The following SLC35F3 variants were observed in gnomAD, a reference collection of about 807,000 sequenced individuals.
The protein encoded by SLC35F3 is solute carrier family 35 member F3, also known as putative thiamine transporter SLC35F3.
A neutral mutation model predicts 49.9 loss-of-function variants in SLC35F3; 25 were observed. The ratio of observed to expected loss-of-function variants is 0.50; its 90% confidence interval spans 0.37 to 0.70. The LOEUF (loss-of-function observed/expected upper bound fraction) is 0.70, where lower values mean the gene tolerates loss of function less well. Among genes scored for constraint, SLC35F3 ranks in the 30% least tolerant of loss-of-function variants. The pLI, the probability that SLC35F3 is intolerant of heterozygous loss-of-function variation, is 0.00. For synonymous variants in SLC35F3, 275 were observed against 265.4 expected, an observed-to-expected ratio of 1.04 and a Z score of -0.35; for missense variants, 525 against 639.8, an observed-to-expected ratio of 0.82 and a Z score of 1.94.
intron 2 of SLC35F3, among the ~76,000 whole-genome samples, chr1:234,055,559 GCTTC>G (rs911121010): frequency 6.6e-6 from 1 of 152,220 alleles, no homozygotes; most frequent in Non-Finnish European, 1.5e-5. Context: ...GTCTGTCACG[GCTTC>G]CCTTGGCTAG....
rs973144437 is a variant in SLC35F3 at position 234,005,039 on chromosome 1, G to T, written c.283+99281G>T. ...AAGAATTTTTTATTCTTGATTAAAA[G>T]AATAAAATAGAAAAGCTGAAAATCT... On this transcript the variant is annotated intron_variant, in intron 2 of 7. Transcript: ENST00000366618. Among the ~76,000 whole-genome samples the T allele has an allele frequency of 3.9e-5, 6 of 152,112 alleles. No homozygotes were observed. In the East Asian group the frequency reaches 5.8e-4, roughly 15 times the overall value.
intron 3 of SLC35F3, among the ~76,000 whole-genome samples, chr1:234,260,978 C>G (rs997505474): frequency 3.9e-5 from 6 of 152,192 alleles, no homozygotes; most frequent in African/African-American, 1.2e-4. Flanking sequence ...TTCTGCTTCA[C>G]ATGAAGCCAA....
chr1:234,005,306 G>C (rs534629582), intron 2 of SLC35F3, among the ~76,000 whole-genome samples: 1 of 152,148 alleles, frequency 6.6e-6, no homozygotes, highest in African/African-American at 2.4e-5. Flanking sequence ...TAAATCTTAC[G>C]GTGAAACCAT....
chr1:234,197,584 G>C (rs1666832706), intron 2 of SLC35F3, among the ~76,000 whole-genome samples: 1 of 147,452 alleles, frequency 6.8e-6, no homozygotes, highest in Non-Finnish European at 1.5e-5. Flanking sequence ...ATCACTCCCT[G>C]ATGTGGAGAG....
rs149793860 is a variant in SLC35F3, at chr1:234,271,954, G to A, written c.609-37147G>A. 1.2e-3 allele frequency among the ~76,000 whole-genome samples: 175 copies of A among 152,120 alleles called. No homozygotes were observed. The East Asian group carries it at 0.02, about 17-fold the overall frequency. ...AGCCTGGACAACATGGCAAAACCCC[G>A]TCTCTACAAAAAAATACAAAAATTA... On this transcript the variant is annotated intron_variant, in intron 3 of 7. Transcript: ENST00000366618.
intron 3 of SLC35F3, among the ~76,000 whole-genome samples, chr1:234,280,156 C>T (rs561567856): frequency 1.3e-5 from 2 of 152,348 alleles, no homozygotes; most frequent in Admixed American, 1.3e-4. Context: ...ATTTCAATGG[C>T]AGGGATTCCT....
chr1:234,270,116 C>T (rs2102973898), intron 3 of SLC35F3, among the ~76,000 whole-genome samples: 1 of 152,352 alleles, frequency 6.6e-6, no homozygotes, highest in South Asian at 2.1e-4. Context: ...CTAGGACAAA[C>T]TGAGTTACAA....
intron 4 of SLC35F3, among the ~76,000 whole-genome samples, chr1:234,315,700 C>G (rs1657474078): frequency 6.6e-6 from 1 of 152,250 alleles, no homozygotes; most frequent in Non-Finnish European, 1.5e-5. Flanking sequence ...ATAAAATTCT[C>G]AGTAAATCCA....
chr1:234,068,823 T>TTATATATATATA (rs10645395), intron 2 of SLC35F3, among the ~76,000 whole-genome samples: 2,451 of 71,102 alleles, frequency 0.034, 487 homozygotes, highest in Non-Finnish European at 0.04. Flanking sequence ...ATTTGAGACA[T>TTATATATATATA]TATATATATA....
chr1:233,994,139 G>T (rs537017148), intron 2 of SLC35F3, among the ~76,000 whole-genome samples: 33 of 152,294 alleles, frequency 2.2e-4, no homozygotes, highest in African/African-American at 7.7e-4. Context: ...CCGTGTTATT[G>T]GCATAGGTCA....
intron 2 of SLC35F3, among the ~76,000 whole-genome samples, chr1:233,992,185 C>G (rs1445130174): frequency 6.6e-6 from 1 of 152,188 alleles, no homozygotes; most frequent in Non-Finnish European, 1.5e-5. Context: ...GACACCCCCT[C>G]TGTTCATTTA....
At chr1:234,209,033 G>A (rs1365685292) in intron 2 of SLC35F3, among the ~76,000 whole-genome samples, 2 of 152,160 alleles carry the variant, frequency 1.3e-5, no homozygotes, top group Non-Finnish European at 1.5e-5. Context: ...AGTCAGCCCA[G>A]TTCCTTTTCC....
At chr1:233,999,466 A>G (rs532311004) in intron 2 of SLC35F3, among the ~76,000 whole-genome samples, 1 of 152,242 alleles carries the variant, frequency 6.6e-6, no homozygotes, top group African/African-American at 2.4e-5. Context: ...GCCAAAGCCT[A>G]GGTTCGATGC....
chr1:234,070,413 T>G (rs1336763099), intron 2 of SLC35F3, among the ~76,000 whole-genome samples: 2 of 152,246 alleles, frequency 1.3e-5, no homozygotes, highest in Non-Finnish European at 2.9e-5. Flanking sequence ...TAATTTACTT[T>G]TCCTATACAT....
chr1:234,319,995 T>C (rs945743449), intron 6 of SLC35F3, 103 bp from the exon 7 acceptor site: 1 of 763,000 alleles, frequency 1.3e-6, no homozygotes, highest in Non-Finnish European at 2.3e-6. Flanking sequence ...GTAACTCCTA[T>C]GACTCCAGCC....
chr1:233,934,889 C>A, intron 2 of SLC35F3, among the ~76,000 whole-genome samples: 1 of 149,732 alleles, frequency 6.7e-6, no homozygotes. Context: ...CCAGGATGAT[C>A]AAGATAGCTT....
At chr1:234,077,804 G>C (rs1664815028) in intron 2 of SLC35F3, among the ~76,000 whole-genome samples, 2 of 152,306 alleles carry the variant, frequency 1.3e-5, no homozygotes, top group East Asian at 3.9e-4. Flanking sequence ...ACAGTCTGCA[G>C]TGCTGCCTGG....
At chr1:234,163,983 G>GA (rs1239527773) in intron 2 of SLC35F3, among the ~76,000 whole-genome samples, 4 of 147,662 alleles carry the variant, frequency 2.7e-5, no homozygotes, top group African/African-American at 1.1e-4. Context: ...TAAAATAGAA[G>GA]AAAAAAATAT....
At chr1:234,267,483 A>T (rs1668005731) in intron 3 of SLC35F3, among the ~76,000 whole-genome samples, 1 of 143,130 alleles carries the variant, frequency 7.0e-6, no homozygotes, top group African/African-American at 2.7e-5. Flanking sequence ...CACCTCCCGG[A>T]TGGGGCGGCT....
Sources: allele counts gnomAD v4.1 joint callset (sites outside exome capture counted in the v4.1 genomes callset), GRCh38; gene constraint gnomAD v4.1.1; transcripts MANE v1.5; gene names NCBI Gene and HGNC (gene_info 2026-07-23, HGNC 2026-07-21).